MTUS2: variants seen among roughly 807,000 people sequenced by gnomAD.
MTUS2 encodes the protein microtubule associated scaffold protein 2.
In MTUS2, 40 loss-of-function variants were observed where a neutral mutation model predicts 114.1. The ratio of observed to expected loss-of-function variants is 0.35; its 90% CI spans 0.27 to 0.46. MTUS2 has a LOEUF of 0.46. MTUS2 is among the 20% of genes least tolerant of loss of function. The pLI, the probability that MTUS2 is intolerant of heterozygous loss-of-function variation, is 1.00. For missense variants in MTUS2, 1,679 were observed against 1,705.4 expected, an observed-to-expected ratio of 0.98 and a Z score of 0.27; for synonymous variants, 688 against 672.0, an observed-to-expected ratio of 1.02 and a Z score of -0.37.
chr13:29,292,879 A>G (rs1184052391), intron 6 of MTUS2, among the ~76,000 whole-genome samples: 3 of 152,108 alleles, frequency 2.0e-5, no homozygotes, highest in Non-Finnish European at 4.4e-5. Context: ...CACTCAAGGG[A>G]AAAAAAGAGC....
intron 4 of MTUS2, among the ~76,000 whole-genome samples, chr13:29,046,981 G>A (rs549805040): frequency 6.6e-5 from 10 of 152,334 alleles, no homozygotes; most frequent in East Asian, 3.9e-4. Context: ...GGGTACAGAG[G>A]CAGGACTTGC....
chr13:28,943,362 C>A (rs977125441), intron 2 of MTUS2, among the ~76,000 whole-genome samples: 1 of 152,150 alleles, frequency 6.6e-6, no homozygotes, highest in African/African-American at 2.4e-5. Context: ...ACAAAGTGAA[C>A]CCCATCAGGA....
chr13:29,364,365 C>T (rs1428779694), intron 8 of MTUS2, among the ~76,000 whole-genome samples: 3 of 152,054 alleles, frequency 2.0e-5, no homozygotes, highest in East Asian at 3.9e-4. Context: ...AGAGTGCCCC[C>T]GCTCCCTGCA....
chr13:29,106,409 G>T (rs2138845760), intron 5 of MTUS2, among the ~76,000 whole-genome samples: 1 of 152,264 alleles, frequency 6.6e-6, no homozygotes, highest in Non-Finnish European at 1.5e-5. Flanking sequence ...CTGTTACCTG[G>T]AGTGCAGTGG....
chr13:29,039,510 C>T (rs534524703), intron 4 of MTUS2, among the ~76,000 whole-genome samples: 1 of 152,336 alleles, frequency 6.6e-6, no homozygotes, highest in South Asian at 2.1e-4. Flanking sequence ...ATCTGGGGGA[C>T]CGGGGAAGCT....
At chr13:29,457,204 GT>G (rs1448900383) in intron 9 of MTUS2, among the ~76,000 whole-genome samples, 2 of 151,524 alleles carry the variant, frequency 1.3e-5, no homozygotes, top group South Asian at 2.1e-4. Flanking sequence ...TAAATGTTCA[GT>G]TTGAGAAGTT....
chr13:29,100,573 C>CT (rs1331976101), intron 4 of MTUS2, among the ~76,000 whole-genome samples, 200 bp from the exon 5 acceptor site: 1 of 152,146 alleles, frequency 6.6e-6, no homozygotes, highest in Non-Finnish European at 1.5e-5. Context: ...CACCTCCTCT[C>CT]TGAGTTCTCT....
At chr13:29,149,548 T>G (rs1045572291) in intron 5 of MTUS2, among the ~76,000 whole-genome samples, 1 of 152,172 alleles carries the variant, frequency 6.6e-6, no homozygotes, top group Non-Finnish European at 1.5e-5. Flanking sequence ...TCAATTTTAG[T>G]TTTTCTTGCT....
chr13:29,017,716 A>AG (rs397815255), intron 2 of MTUS2, among the ~76,000 whole-genome samples: 8 of 151,516 alleles, frequency 5.3e-5, no homozygotes, highest in Non-Finnish European at 1.2e-4. Flanking sequence ...AAAAAAAAAA[A>AG]CTCACATTGT....
chr13:28,932,551 T>G (rs917360340), intron 2 of MTUS2, among the ~76,000 whole-genome samples: 7 of 152,104 alleles, frequency 4.6e-5, no homozygotes, highest in African/African-American at 1.7e-4. Context: ...TGATTCAGGC[T>G]CAATAAAAAT....
At chr13:29,281,336 CAAAT>C (rs1898257125) in intron 5 of MTUS2, among the ~76,000 whole-genome samples, 1 of 151,920 alleles carries the variant, frequency 6.6e-6, no homozygotes, top group Admixed American at 6.6e-5. Flanking sequence ...TCTGAGTTAT[CAAAT>C]AAGTGTTTAT....
At chr13:29,495,901 T>C (rs1243571163) in intron 12 of MTUS2, among the ~76,000 whole-genome samples, 1 of 151,622 alleles carries the variant, frequency 6.6e-6, no homozygotes, top group East Asian at 1.9e-4. Flanking sequence ...TTTTTCTCTC[T>C]CTCTCTCTTT....
intron 2 of MTUS2, among the ~76,000 whole-genome samples, chr13:28,898,150 C>T (rs1251007209): frequency 6.6e-6 from 1 of 151,958 alleles, no homozygotes; most frequent in African/African-American, 2.4e-5. Flanking sequence ...GGACCCAGTA[C>T]AAAATAAAAA....
At chr13:29,399,280 C>G (rs1220678344) in intron 8 of MTUS2, among the ~76,000 whole-genome samples, 2 of 151,988 alleles carry the variant, frequency 1.3e-5, no homozygotes, top group African/African-American at 4.8e-5. Context: ...GGGTCTTGAC[C>G]AGGTTCTTTA....
At chr13:28,944,219 C>T (rs2138145138) in intron 2 of MTUS2, among the ~76,000 whole-genome samples, 1 of 152,052 alleles carries the variant, frequency 6.6e-6, no homozygotes, top group African/African-American at 2.4e-5. Flanking sequence ...TTTCTTTATG[C>T]TGGGAACATT....
At chr13:29,221,625 A>G (rs1198624749) in intron 5 of MTUS2, among the ~76,000 whole-genome samples, 1 of 152,150 alleles carries the variant, frequency 6.6e-6, no homozygotes, top group African/African-American at 2.4e-5. Context: ...GATAACAAAT[A>G]TATTTTAAAT....
chr13:29,420,831 A>G (rs1439610582), intron 8 of MTUS2, among the ~76,000 whole-genome samples: 2 of 152,182 alleles, frequency 1.3e-5, no homozygotes, highest in Admixed American at 6.5e-5. Flanking sequence ...CCAAATATAC[A>G]GAAACTTAAG....
intron 5 of MTUS2, among the ~76,000 whole-genome samples, chr13:29,117,385 C>G (rs1891133574): frequency 6.6e-6 from 1 of 152,204 alleles, no homozygotes; most frequent in African/African-American, 2.4e-5. Flanking sequence ...GGGCCACCAG[C>G]AGCTTCAAGA....
At chr13:29,033,786 C>G (rs1162544450) in intron 3 of MTUS2, 99 bp from the exon 4 acceptor site, 1 of 1,446,334 alleles carries the variant, frequency 6.9e-7, no homozygotes, top group African/African-American at 1.4e-5. Context: ...CTAAGTGGTA[C>G]CAGAGTGGTC....
Sources: allele counts gnomAD v4.1 joint callset (sites outside exome capture counted in the v4.1 genomes callset), GRCh38; gene constraint gnomAD v4.1.1; transcripts MANE v1.5; gene names NCBI Gene and HGNC (gene_info 2026-07-23, HGNC 2026-07-21).